The following TAFA1 variants were observed in gnomAD, a reference collection of about 807,000 sequenced individuals.
The protein encoded by TAFA1 is chemokine-like protein TAFA-1.
A neutral mutation model predicts 18.5 loss-of-function variants in TAFA1; 4 were observed. The ratio of observed to expected loss-of-function variants is 0.22; its 90% confidence interval spans 0.11 to 0.49. The LOEUF is 0.49. TAFA1 is among the 20% of genes least tolerant of loss of function. The pLI, the probability that TAFA1 is intolerant of heterozygous loss-of-function variation, is 0.98. For missense variants in TAFA1, 147 were observed against 169.0 expected (o/e 0.87, Z 0.72); for synonymous variants, 56 against 55.2 (o/e 1.01, Z -0.06).
chr3:68,475,484 T>C (rs2072074199), intron 3 of TAFA1, among the ~76,000 whole-genome samples: 1 of 152,202 alleles, frequency 6.6e-6, no homozygotes, highest in Admixed American at 6.5e-5. Flanking sequence ...ACAAAGGACA[T>C]GAGCTCATCA....
intron 3 of TAFA1, among the ~76,000 whole-genome samples, chr3:68,463,024 C>T (rs1008539761): frequency 1.3e-5 from 2 of 152,152 alleles, no homozygotes; most frequent in African/African-American, 4.8e-5. Context: ...TTGGGCAACT[C>T]ATATAGGCAA....
At chr3:68,233,203 T>G (rs534241171) in intron 2 of TAFA1, among the ~76,000 whole-genome samples, 1 of 152,242 alleles carries the variant, frequency 6.6e-6, no homozygotes, top group South Asian at 2.1e-4. Context: ...TGAGTTTATT[T>G]AATTTTTTTT....
intron 2 of TAFA1, among the ~76,000 whole-genome samples, chr3:68,050,327 A>G (rs539060933): frequency 1.3e-5 from 2 of 152,284 alleles, no homozygotes; most frequent in African/African-American, 4.8e-5. Context: ...TGAAGGCTGC[A>G]TATGGGCCAT....
At chr3:68,462,463 A>G (rs1236819897) in intron 3 of TAFA1, among the ~76,000 whole-genome samples, 1 of 152,012 alleles carries the variant, frequency 6.6e-6, no homozygotes, top group Non-Finnish European at 1.5e-5. Flanking sequence ...CTCACCTTTC[A>G]CCATGATCAT....
At chr3:68,510,782 A>G (rs2072834502) in intron 3 of TAFA1, among the ~76,000 whole-genome samples, 1 of 152,146 alleles carries the variant, frequency 6.6e-6, no homozygotes, top group South Asian at 2.1e-4. Flanking sequence ...TCTCTTTTGC[A>G]TAGTAAAGGT....
intron 2 of TAFA1, among the ~76,000 whole-genome samples, chr3:68,230,921 A>G (rs1026448447): frequency 6.6e-6 from 1 of 152,190 alleles, no homozygotes; most frequent in South Asian, 2.1e-4. Flanking sequence ...TCTTCTTTTG[A>G]GAAATGAATG....
chr3:68,226,287 C>T (rs1364916604), intron 2 of TAFA1, among the ~76,000 whole-genome samples: 2 of 152,184 alleles, frequency 1.3e-5, no homozygotes, highest in Non-Finnish European at 2.9e-5. Context: ...GTCTGATATG[C>T]TTTCATGCCT....
At chr3:68,069,997 A>C (rs1007866373) in intron 2 of TAFA1, among the ~76,000 whole-genome samples, 7 of 152,122 alleles carry the variant, frequency 4.6e-5, no homozygotes, top group African/African-American at 1.7e-4. Flanking sequence ...TGGCTTTTCC[A>C]GGCGCATGGT....
intron 3 of TAFA1, among the ~76,000 whole-genome samples, chr3:68,493,886 C>T (rs940400039): frequency 6.6e-6 from 1 of 152,160 alleles, no homozygotes; most frequent in African/African-American, 2.4e-5. Flanking sequence ...TGTATTGACC[C>T]TTTCCCAGAA....
At chr3:68,179,003 G>T (rs7634100) in intron 2 of TAFA1, among the ~76,000 whole-genome samples, 2 of 152,134 alleles carry the variant, frequency 1.3e-5, no homozygotes, top group African/African-American at 4.8e-5. Flanking sequence ...CGGAGATATT[G>T]TATGTTTTTA....
At chr3:68,345,917 G>A (rs945267822) in intron 2 of TAFA1, among the ~76,000 whole-genome samples, 123 of 152,192 alleles carry the variant, frequency 8.1e-4, no homozygotes, top group South Asian at 2.1e-4. Context: ...AAGATTGGCC[G>A]GAGAGAGAAG....
At chr3:68,168,279 A>G (rs551392240) in intron 2 of TAFA1, among the ~76,000 whole-genome samples, 2 of 152,246 alleles carry the variant, frequency 1.3e-5, no homozygotes, top group Non-Finnish European at 2.9e-5. Context: ...TGATGAATAA[A>G]TGTGTCTCTA....
At chr3:68,372,145 T>G (rs2069719013) in intron 2 of TAFA1, among the ~76,000 whole-genome samples, 1 of 152,142 alleles carries the variant, frequency 6.6e-6, no homozygotes, top group Non-Finnish European at 1.5e-5. Flanking sequence ...ATTTAAGTTA[T>G]TTAAGATGCC....
chr3:68,344,236 C>G (rs1187127416), intron 2 of TAFA1, among the ~76,000 whole-genome samples: 1 of 152,076 alleles, frequency 6.6e-6, no homozygotes, highest in Non-Finnish European at 1.5e-5. Context: ...GTTAAAACAT[C>G]AGAACATAAA....
chr3:68,278,948 T>G (rs2067846655), intron 2 of TAFA1, among the ~76,000 whole-genome samples: 1 of 152,156 alleles, frequency 6.6e-6, no homozygotes, highest in African/African-American at 2.4e-5. Context: ...CACTGGAGAT[T>G]GTGTTCCAAT....
At chr3:68,540,677 C>T (rs1428200817) in intron 4 of TAFA1, among the ~76,000 whole-genome samples, 1 of 152,080 alleles carries the variant, frequency 6.6e-6, no homozygotes, top group African/African-American at 2.4e-5. Flanking sequence ...ATGGTGTCTC[C>T]AGACCTGAAA....
chr3:68,397,007 GTTGT>G (rs976717956), intron 2 of TAFA1, among the ~76,000 whole-genome samples: 1 of 152,078 alleles, frequency 6.6e-6, no homozygotes, highest in Non-Finnish European at 1.5e-5. Context: ...GCCATACTTA[GTTGT>G]TTGCCATTTT....
intron 3 of TAFA1, among the ~76,000 whole-genome samples, chr3:68,515,984 C>CA (rs2072914632): frequency 6.6e-6 from 1 of 152,214 alleles, no homozygotes; most frequent in Non-Finnish European, 1.5e-5. Context: ...CTGCACTGGC[C>CA]CTTACTTCCC....
At chr3:68,302,741 T>C (rs930265629) in intron 2 of TAFA1, among the ~76,000 whole-genome samples, 1 of 152,162 alleles carries the variant, frequency 6.6e-6, no homozygotes, top group African/African-American at 2.4e-5. Context: ...GCCAGAAGTA[T>C]GGGAGACTGG....
Sources: allele counts gnomAD v4.1 joint callset (sites outside exome capture counted in the v4.1 genomes callset), GRCh38; gene constraint gnomAD v4.1.1; transcripts MANE v1.5; gene names NCBI Gene and HGNC (gene_info 2026-07-23, HGNC 2026-07-21).